The following AUTS2 variants were observed in gnomAD, a reference collection of about 807,000 sequenced individuals.
AUTS2 encodes activator of transcription and developmental regulator AUTS2, also known as autism susceptibility gene 2 protein.
A neutral mutation model predicts 112.4 loss-of-function variants in AUTS2; 17 were observed. The observed-to-expected ratio is 0.15, with a 90% CI of 0.10 to 0.23. The LOEUF is 0.23. AUTS2 is among the 10% of genes least tolerant of loss of function. The pLI is 1.00. For missense variants in AUTS2, 1,510 were observed against 1,701.6 expected (o/e 0.89, Z 1.98); for synonymous variants, 751 against 702.7 (o/e 1.07, Z -1.09).
chr7:70,462,292 A>G (rs939258742), intron 5 of AUTS2, among the ~76,000 whole-genome samples: 3 of 152,014 alleles, frequency 2.0e-5, no homozygotes, highest in African/African-American at 7.3e-5. Context: ...AATAAAGTGG[A>G]TAGGGGTTGA....
chr7:69,884,533 A>C (rs1311987386), intron 1 of AUTS2, among the ~76,000 whole-genome samples: 2 of 152,198 alleles, frequency 1.3e-5, no homozygotes, highest in Non-Finnish European at 2.9e-5. Flanking sequence ...TTTCTGAATG[A>C]CTGCCTGCAG....
intron 4 of AUTS2, among the ~76,000 whole-genome samples, chr7:70,228,203 T>G (rs1279551654): frequency 6.6e-6 from 1 of 152,006 alleles, no homozygotes; most frequent in Non-Finnish European, 1.5e-5. Flanking sequence ...AAGTCTGTTT[T>G]GTCGGACAGT....
At chr7:70,139,732 G>T (rs1323469586) in intron 4 of AUTS2, among the ~76,000 whole-genome samples, 1 of 152,144 alleles carries the variant, frequency 6.6e-6, no homozygotes, top group Admixed American at 6.5e-5. Context: ...GGGCACGGTG[G>T]CTCATGCCTA....
Position 70,243,361 on chromosome 7 carries a change from G to C in AUTS2, c.660+108790G>C, listed in dbSNP as rs1562815495. Among the ~76,000 whole-genome samples the C allele has an allele frequency of 2.0e-5, 3 of 151,868 alleles. No homozygotes were observed. The South Asian group carries it at 6.2e-4, about 32-fold the overall frequency. On this transcript the variant is annotated intron_variant, in intron 4 of 18. Transcript: ENST00000342771. ...GGGATTATGGCTTTTATGATGTTCT[G>C]TGTTCCTTTGAAGGTTGATCAGGCA...
chr7:69,708,238 C>G (rs1380028511), intron 1 of AUTS2, among the ~76,000 whole-genome samples: 4 of 152,198 alleles, frequency 2.6e-5, no homozygotes, highest in Non-Finnish European at 4.4e-5. Flanking sequence ...GAAAAATATT[C>G]TAGAGCATCA....
At chr7:69,936,661 T>C (rs867072224) in intron 2 of AUTS2, among the ~76,000 whole-genome samples, 1 of 152,174 alleles carries the variant, frequency 6.6e-6, no homozygotes, top group African/African-American at 2.4e-5. Context: ...GACATACAGA[T>C]ATTTTTTGGC....
chr7:70,287,775 G>A (rs1788528674), intron 4 of AUTS2, among the ~76,000 whole-genome samples: 1 of 150,306 alleles, frequency 6.7e-6, no homozygotes, highest in Admixed American at 6.6e-5. Context: ...TGAAGAAGGA[G>A]AGCGAACCCA....
intron 4 of AUTS2, among the ~76,000 whole-genome samples, chr7:70,294,546 C>A (rs3846984): frequency 0.32 from 48,198 of 152,040 alleles, 8,151 homozygotes; most frequent in African/African-American, 0.44. Flanking sequence ...GTCAAAATTG[C>A]TTTTCTCTGG....
intron 4 of AUTS2, among the ~76,000 whole-genome samples, chr7:70,274,641 A>C (rs1274455012): frequency 6.6e-6 from 1 of 152,048 alleles, no homozygotes; most frequent in African/African-American, 2.4e-5. Flanking sequence ...AGAGAGAGAG[A>C]GCGCAGGTTG....
intron 7 of AUTS2, 130 bp downstream of exon 7, chr7:70,763,471 T>A: frequency 1.5e-6 from 1 of 684,770 alleles, no homozygotes; most frequent in Non-Finnish European, 2.4e-6. Flanking sequence ...TCTCTGAGAC[T>A]AGAGACAGGG....
intron 1 of AUTS2, among the ~76,000 whole-genome samples, chr7:69,737,210 GTTTT>G (rs201873204): frequency 6.6e-6 from 1 of 151,716 alleles, no homozygotes; most frequent in African/African-American, 2.4e-5. Context: ...TGTATAGATT[GTTTT>G]TTTTGTTTCT....
intron 1 of AUTS2, among the ~76,000 whole-genome samples, chr7:69,809,651 A>G (rs1790459467): frequency 6.6e-6 from 1 of 152,192 alleles, no homozygotes; most frequent in African/African-American, 2.4e-5. Context: ...AACCCTAGAG[A>G]GAGAGTAACA....
Position 70,494,545 on chromosome 7 carries a change from T to G in AUTS2, c.690+58764T>G, listed in dbSNP as rs185689900. On this transcript the variant is annotated intron_variant, in intron 5 of 18. Transcript: ENST00000342771. ...ACTGCCCTGCTTCCCACATTTTCTTTTAACGAGTGTCCCCACGTCCCCACC... is the reference window on the plus strand; with the variant it reads ...ACTGCCCTGCTTCCCACATTTTCTTGTAACGAGTGTCCCCACGTCCCCACC... Among the ~76,000 whole-genome samples the G allele has an allele frequency of 4.0e-3, 607 of 152,182 alleles. 3 individuals carry two copies. The highest frequency in any genetic ancestry group is 0.014 in the African/African-American group (575 of 41,528).
intron 4 of AUTS2, among the ~76,000 whole-genome samples, chr7:70,283,700 C>T (rs1485446717): frequency 1.3e-5 from 2 of 152,120 alleles, no homozygotes; most frequent in African/African-American, 4.8e-5. Context: ...CTGTTTGATA[C>T]CATTCATTTA....
intron 4 of AUTS2, among the ~76,000 whole-genome samples, chr7:70,416,999 C>T (rs1017906354): frequency 2.6e-5 from 4 of 152,174 alleles, no homozygotes; most frequent in South Asian, 2.1e-4. Context: ...TGTGCCAAAG[C>T]GGTCTCAGTG....
chr7:69,978,898 A>ACACACACACACG (rs1554418157), intron 2 of AUTS2, among the ~76,000 whole-genome samples: 1 of 141,746 alleles, frequency 7.1e-6, no homozygotes, highest in Non-Finnish European at 1.6e-5. Context: ...ACACACACAC[A>ACACACACACACG]CACGCACACA....
chr7:69,949,229 T>A (rs1796935116), intron 2 of AUTS2, among the ~76,000 whole-genome samples: 1 of 152,232 alleles, frequency 6.6e-6, no homozygotes, highest in Admixed American at 6.5e-5. Context: ...GTAATGCATA[T>A]GATGTAACAT....
rs1029464424 is a variant in AUTS2, at chr7:70,318,159, A to G, written c.661-117593A>G. 9.2e-5 allele frequency among the ~76,000 whole-genome samples: 14 copies of G among 152,144 alleles called. No homozygotes were observed. In the East Asian group the frequency reaches 1.2e-3, roughly 13 times the overall value. On this transcript the variant is annotated intron_variant, in intron 4 of 18. Transcript: ENST00000342771. ...GAGATTTTCATGACAGAATCGTCAG[A>G]TGAACTCATTCAGGGTATAATATTG...
At chr7:69,765,482 C>G (rs891502814) in intron 1 of AUTS2, among the ~76,000 whole-genome samples, 1 of 151,984 alleles carries the variant, frequency 6.6e-6, no homozygotes, top group Non-Finnish European at 1.5e-5. Context: ...AATTAATTAC[C>G]CCCACCCCTT....
Sources: gnomAD v4.1 joint callset for allele counts (sites outside exome capture counted in the v4.1 genomes callset) on GRCh38, gnomAD v4.1.1 for gene constraint, MANE v1.5 for transcripts, NCBI Gene and HGNC (gene_info 2026-07-23, HGNC 2026-07-21) for gene names.